LPIN1: variants seen among roughly 807,000 people sequenced by gnomAD.
LPIN1 encodes phosphatidate phosphatase LPIN1.
LPIN1 carries 71 observed loss-of-function variants against 107.5 expected under a neutral mutation model. That is an observed-to-expected ratio of 0.66 (90% confidence interval 0.55 to 0.80). The LOEUF (loss-of-function observed/expected upper bound fraction) is 0.80. LPIN1 is among the 30% of genes least tolerant of loss of function. The probability of loss-of-function intolerance (pLI) is 0.00; values close to 1 mark genes in which losing one functional copy is unlikely to be tolerated. For synonymous variants in LPIN1, 445 were observed against 452.6 expected (o/e 0.98, Z 0.21); for missense variants, 1,043 against 1,160.6 (o/e 0.90, Z 1.47).
At chr2:11,815,398 A>G (rs1230869765) in intron 18 of LPIN1, among the ~76,000 whole-genome samples, 158 bp downstream of exon 18, 1 of 152,178 alleles carries the variant, frequency 6.6e-6, no homozygotes, top group East Asian at 1.9e-4. Flanking sequence ...ACACAGGTCT[A>G]CACCTGCATT....
intron 20 of LPIN1, among the ~76,000 whole-genome samples, chr2:11,820,904 TG>T (rs1681398342): frequency 6.6e-6 from 1 of 152,246 alleles, no homozygotes; most frequent in South Asian, 2.1e-4. Context: ...ACATACCAAA[TG>T]TTTCTTACCA....
upstream of LPIN1, among the ~76,000 whole-genome samples, chr2:11,721,454 C>T (rs1037554957): frequency 5.9e-5 from 9 of 152,070 alleles, 1 homozygote; most frequent in Non-Finnish European, 1.2e-4. Context: ...CCCCAGGTGA[C>T]TTGTGCAGGG....
At chr2:11,790,518 G>A (rs1343010607) in intron 12 of LPIN1, among the ~76,000 whole-genome samples, 2 of 152,232 alleles carry the variant, frequency 1.3e-5, no homozygotes, top group East Asian at 1.9e-4. Context: ...CCATTGAGGT[G>A]CATCCTCTGG....
At chr2:11,746,797 C>T in intron 1 of LPIN1, 126 bp downstream of exon 1, 1 of 295,632 alleles carries the variant, frequency 3.4e-6, no homozygotes, top group South Asian at 1.3e-4. Context: ...CCCCGGGGCC[C>T]GAGGACCGAC....
In LPIN1 at chr2:11,704,599, T is replaced by G. The variant is rs528468295; in HGVS notation, c.82-9157T>G. On this transcript the variant is annotated intron_variant, in intron 1 of 21. Transcript: ENST00000449576. The stretch of plus-strand genomic sequence containing the variant: ...TGTGGAGTGTCCATGAAGTCTGGAA[T>G]CAAAGATTGTGCTAGATACTCACTA... Among the ~76,000 whole-genome samples, 9 of 152,264 alleles carry G rather than the reference T, an allele frequency of 5.9e-5. No individual in the cohort carries two copies. In the East Asian group the frequency reaches 1.7e-3, roughly 29 times the overall value.
rs145463852 is a variant in LPIN1 at position 11,717,442 on chromosome 2, A to G, written c.138+3630A>G. Among the ~76,000 whole-genome samples the G allele has an allele frequency of 4.4e-3, 663 of 151,816 alleles. 7 individuals are homozygous for G. The highest frequency in any genetic ancestry group is 0.015 in the African/African-American group (625 of 41,354). On this transcript the variant is annotated intron_variant, in intron 2 of 21. Transcript: ENST00000449576. ...GGGGGGTGTTTTTCCTGGAGGTTAT[A>G]TTTGCCTCTCTTTTTTATTGTTAGA...
At chr2:11,806,935 T>C (rs765136923) in intron 17 of LPIN1, among the ~76,000 whole-genome samples, 13 of 152,228 alleles carry the variant, frequency 8.5e-5, no homozygotes, top group Non-Finnish European at 1.3e-4. Context: ...TTTTATGTAA[T>C]ATTTACCTTA....
rs1195067946 is a variant in LPIN1, at chr2:11,765,739, C to G, written c.192+6C>G. 6.2e-7 allele frequency: 1 copy of G among 1,608,856 alleles called. No individual in the cohort carries two copies. On this transcript the variant is annotated splice_donor_region_variant and intron_variant, in intron 2 of 20. Coordinates refer to ENST00000674199, the MANE Select transcript of LPIN1 (RefSeq NM_001349206.2). This position sits in a 1 kb window ranked among gnomAD's most constrained non-coding sequence, Gnocchi z 4.4. ...TGCGCTCCCGAGAGAAAGTGGTGAG[C>G]TCTCAGGGCACGGGGACCTGGCACC...
intron 1 of LPIN1, among the ~76,000 whole-genome samples, chr2:11,691,210 A>G (rs1319244195): frequency 1.3e-5 from 2 of 150,834 alleles, no homozygotes; most frequent in Admixed American, 6.6e-5. Context: ...TTGCCTCCCC[A>G]GGTCCGGGGG....
intron 17 of LPIN1, among the ~76,000 whole-genome samples, chr2:11,805,769 A>G (rs1376934225): frequency 1.3e-5 from 2 of 152,242 alleles, no homozygotes; most frequent in African/African-American, 4.8e-5. Flanking sequence ...AAAAGCACAT[A>G]ATATCATTTC....
At position 11,785,041 on chromosome 2, in the gene LPIN1, G is replaced by GC. The variant is rs777062115; in HGVS notation, c.1515dup (p.Gly506ArgfsTer33). ...CTCCCTTCCATCGCCATCTCCCTCTGCGGGGGCCTCAGCGACCACCGGGAG... is the reference window on the plus strand; with the variant it reads ...CTCCCTTCCATCGCCATCTCCCTCTGCCGGGGGCCTCAGCGACCACCGGGAG... On this transcript the variant is annotated frameshift_variant, in exon 10 of 21. Coordinates refer to ENST00000674199, the MANE Select transcript of LPIN1 (RefSeq NM_001349206.2). LOFTEE classifies it high-confidence loss of function. 1.3e-6 allele frequency: 2 copies of GC among 1,577,248 alleles called. No individual in the cohort carries two copies. Among genetic ancestry groups the GC allele is most frequent in the Non-Finnish European group, 1.7e-6 (2 of 1,159,688 alleles).
chr2:11,684,423 C>A (rs1044088954), intron 1 of LPIN1, among the ~76,000 whole-genome samples: 9 of 152,204 alleles, frequency 5.9e-5, no homozygotes, highest in African/African-American at 2.2e-4. Flanking sequence ...AATGATCCTC[C>A]TGCTTTGGCC....
chr2:11,724,396 TGAGGGAAGGAACAG>T, exon 1 of LPIN1: 1 of 986,014 alleles, frequency 1.0e-6, no homozygotes, highest in East Asian at 1.1e-4. Context: ...GGAGGCAGCC[TGAGGGAAGGAACAG>T]GAGGGAAGAG....
chr2:11,711,057 T>C (rs1268616646), intron 1 of LPIN1, among the ~76,000 whole-genome samples: 1 of 152,214 alleles, frequency 6.6e-6, no homozygotes, highest in Non-Finnish European at 1.5e-5. Context: ...TAAAACTTCA[T>C]TTTGAATCAG....
chr2:11,718,699 C>T (rs1331181634), intron 2 of LPIN1, among the ~76,000 whole-genome samples: 1 of 152,170 alleles, frequency 6.6e-6, no homozygotes, highest in South Asian at 2.1e-4. Flanking sequence ...TGTAGGTGAG[C>T]TTTTATCTTA....
chr2:11,788,477 G>C (rs373993398), intron 12 of LPIN1, 21 bp downstream of exon 12: 78 of 1,588,682 alleles, frequency 4.9e-5, no homozygotes, highest in Middle Eastern at 3.3e-4. Flanking sequence ...ACATGAGAAA[G>C]AAAAGGGGAT....
intron 14 of LPIN1, among the ~76,000 whole-genome samples, chr2:11,800,431 A>G (rs1474588912): frequency 3.9e-5 from 6 of 152,014 alleles, no homozygotes; most frequent in African/African-American, 1.5e-4. Context: ...TTTTTGAGAC[A>G]GGGTCTTACT....
intron 9 of LPIN1, chr2:11,784,196 C>T (rs773282289): frequency 6.4e-6 from 5 of 778,236 alleles, no homozygotes; most frequent in African/African-American, 5.6e-5. Context: ...CCCAGCTACT[C>T]GGGAGGCTGA....
chr2:11,721,263 CGTGTGTGTGT>C (rs5829326), upstream of LPIN1, among the ~76,000 whole-genome samples: 238 of 129,884 alleles, frequency 1.8e-3, no homozygotes, highest in Middle Eastern at 7.9e-3. Context: ...GTACTGCATG[CGTGTGTGTGT>C]GTGTGTGTGT....
Sources: gnomAD v4.1 joint callset for allele counts (sites outside exome capture counted in the v4.1 genomes callset) on GRCh38, gnomAD v4.1.1 for gene constraint, Gnocchi (gnomAD v3.1) non-coding constraint, MANE v1.5 for transcripts, NCBI Gene and HGNC (gene_info 2026-07-23, HGNC 2026-07-21) for gene names.